PDLIM5: variants seen among roughly 807,000 people sequenced by gnomAD.
PDLIM5 encodes the protein PDZ and LIM domain 5.
PDLIM5 carries 34 observed loss-of-function variants against 64.2 expected under a neutral mutation model. The ratio of observed to expected loss-of-function variants is 0.53; its 90% CI spans 0.40 to 0.71. The LOEUF is 0.71. Among genes scored for constraint, PDLIM5 ranks in the 30% least tolerant of loss-of-function variants. PDLIM5 has a pLI of 0.00. For synonymous variants in PDLIM5, 253 were observed against 269.1 expected, an observed-to-expected ratio of 0.94 and a Z score of 0.59; for missense variants, 683 against 733.6, an observed-to-expected ratio of 0.93 and a Z score of 0.80.
chr4:94,585,116 A>T (rs1389944727), intron 5 of PDLIM5: 4 of 625,540 alleles, frequency 6.4e-6, no homozygotes, highest in Non-Finnish European at 1.1e-5. Flanking sequence ...TGTGAAACAG[A>T]GTCTCGCTCT....
intron 9 of PDLIM5, among the ~76,000 whole-genome samples, chr4:94,646,044 C>A (rs1469755636): frequency 6.6e-6 from 1 of 152,188 alleles, no homozygotes; most frequent in Non-Finnish European, 1.5e-5. Context: ...TTTCTAGTTT[C>A]TCATCTAATG....
chr4:94,591,222 C>T (rs1362438478), intron 7 of PDLIM5, among the ~76,000 whole-genome samples: 1 of 152,172 alleles, frequency 6.6e-6, no homozygotes, highest in African/African-American at 2.4e-5. Flanking sequence ...TCATCCCATT[C>T]CAGAAAATTC....
chr4:94,620,930 G>T (rs543261847), intron 8 of PDLIM5, among the ~76,000 whole-genome samples: 27 of 150,876 alleles, frequency 1.8e-4, no homozygotes, highest in Non-Finnish European at 3.4e-4. Flanking sequence ...AGTTAGCCAG[G>T]CGTGGTGGTG....
chr4:94,629,433 C>G (rs1739967404), intron 8 of PDLIM5, among the ~76,000 whole-genome samples: 1 of 152,106 alleles, frequency 6.6e-6, no homozygotes, highest in Non-Finnish European at 1.5e-5. Context: ...ATGTTAAGAT[C>G]TCATATCTTT....
intron 3 of PDLIM5, among the ~76,000 whole-genome samples, chr4:94,530,537 A>G: frequency 1.9e-5 from 1 of 53,532 alleles, no homozygotes; most frequent in East Asian, 7.0e-4. Context: ...ATATATATAT[A>G]TATATATATA....
intron 2 of PDLIM5, among the ~76,000 whole-genome samples, chr4:94,467,027 C>T (rs1472015366): frequency 6.6e-6 from 1 of 152,058 alleles, no homozygotes; most frequent in Non-Finnish European, 1.5e-5. Flanking sequence ...AGGCCATGGC[C>T]AGAGAGATCA....
intron 2 of PDLIM5, among the ~76,000 whole-genome samples, chr4:94,480,463 G>A (rs1725748716): frequency 6.6e-6 from 1 of 152,202 alleles, no homozygotes; most frequent in Non-Finnish European, 1.5e-5. Context: ...ATGAGCAGCA[G>A]CAGGTAATCA....
intron 8 of PDLIM5, among the ~76,000 whole-genome samples, chr4:94,632,011 T>G (rs1162797856): frequency 6.6e-6 from 1 of 152,256 alleles, no homozygotes; most frequent in Non-Finnish European, 1.5e-5. Flanking sequence ...GCCTCCAACT[T>G]TAACATGCAT....
At chr4:94,467,549 T>G (rs1045662225) in intron 2 of PDLIM5, among the ~76,000 whole-genome samples, 1 of 152,076 alleles carries the variant, frequency 6.6e-6, no homozygotes, top group African/African-American at 2.4e-5. Flanking sequence ...CCTGACCTCG[T>G]GATCCACCCG....
intron 7 of PDLIM5, among the ~76,000 whole-genome samples, chr4:94,599,203 G>A (rs762961457): frequency 6.6e-6 from 1 of 152,174 alleles, no homozygotes; most frequent in Non-Finnish European, 1.5e-5. Context: ...GAAATAATGG[G>A]AGCAGGAGAC....
In PDLIM5 at chr4:94,585,725, G is replaced by T; in HGVS notation, c.871G>T (p.Gly291Trp). The T allele has an allele frequency of 1.2e-6, 2 of 1,613,176 alleles. No individual in the cohort carries two copies. The highest frequency in any genetic ancestry group is 1.7e-6 in the Non-Finnish European group (2 of 1,179,416). The change falls in exon 6 of 13, where the codon GGG (glycine) becomes TGG (tryptophan). Residue 291 changes from glycine (G) to tryptophan (W), a missense_variant. By Grantham distance (184) the Gly-to-Trp change is radical. Transcript: ENST00000317968. The part of the protein sequence containing the change: ...RSFRILAQIT[G>W]TEHLKESEAD... ...TTTCCGAATCCTTGCCCAGATCACT[G>T]GGACTGAACATTGTAAGTGAACTTC...
At chr4:94,569,781 C>CT (rs1262255042) in intron 3 of PDLIM5, among the ~76,000 whole-genome samples, 1 of 152,158 alleles carries the variant, frequency 6.6e-6, no homozygotes, top group East Asian at 1.9e-4. Flanking sequence ...TTTGTTTCCA[C>CT]TTATGCTACT....
chr4:94,496,070 CA>C (rs1257675926), intron 2 of PDLIM5, among the ~76,000 whole-genome samples: 5 of 150,958 alleles, frequency 3.3e-5, no homozygotes, highest in African/African-American at 9.8e-5. Context: ...AAAAAAAAAC[CA>C]AAAAACAAGG....
At chr4:94,596,169 T>A (rs1483645759) in intron 7 of PDLIM5, among the ~76,000 whole-genome samples, 1 of 152,162 alleles carries the variant, frequency 6.6e-6, no homozygotes, top group East Asian at 1.9e-4. Flanking sequence ...AGAAACATAG[T>A]TCCTATGTAT....
chr4:94,490,974 A>G (rs1004358305), intron 2 of PDLIM5, among the ~76,000 whole-genome samples: 5 of 152,154 alleles, frequency 3.3e-5, no homozygotes, highest in Non-Finnish European at 5.9e-5. Flanking sequence ...ATTGTTTCTT[A>G]TACAACTTTA....
At chr4:94,600,318 T>G (rs889720745) in intron 7 of PDLIM5, among the ~76,000 whole-genome samples, 14 of 152,134 alleles carry the variant, frequency 9.2e-5, no homozygotes, top group African/African-American at 3.1e-4. Flanking sequence ...GGCTAGTGAG[T>G]GTGTAGCCAC....
intron 7 of PDLIM5, chr4:94,587,800 G>C: frequency 1.1e-6 from 1 of 900,910 alleles, no homozygotes; most frequent in Non-Finnish European, 1.3e-6. Flanking sequence ...ATCTCTAGTG[G>C]ATATTTTTAG....
intron 7 of PDLIM5, chr4:94,588,095 G>A: frequency 1.1e-6 from 1 of 932,498 alleles, no homozygotes; most frequent in South Asian, 5.0e-5. Context: ...TTGAAGTTTG[G>A]AAAAGTATTG....
intron 1 of PDLIM5, among the ~76,000 whole-genome samples, chr4:94,453,483 G>A (rs549659304): frequency 2.0e-5 from 3 of 152,306 alleles, no homozygotes; most frequent in East Asian, 3.9e-4. Flanking sequence ...CAAGTAAAGG[G>A]AAGTTGCAAG....
Sources: allele counts gnomAD v4.1 joint callset (sites outside exome capture counted in the v4.1 genomes callset), GRCh38; gene constraint gnomAD v4.1.1; transcripts MANE v1.5; gene names NCBI Gene and HGNC (gene_info 2026-07-23, HGNC 2026-07-21).